The following UNC5C variants were observed in gnomAD, a reference collection of about 807,000 sequenced individuals.
UNC5C encodes netrin receptor UNC5C.
A neutral mutation model predicts 99.8 loss-of-function variants in UNC5C; 47 were observed. The observed-to-expected ratio is 0.47, with a 90% CI of 0.37 to 0.60. The LOEUF is 0.60. UNC5C is among the 20% of genes least tolerant of loss of function. The pLI is 0.00. For missense variants in UNC5C, 1,062 were observed against 1,165.9 expected (o/e 0.91, Z 1.30); for synonymous variants, 487 against 452.2 (o/e 1.08, Z -0.98).
rs180684992 is a variant in UNC5C at position 95,296,825 on chromosome 4, T to A, written c.490+4781A>T. ...TGAAACATTTGCTTTTTGTTCTTTT[T>A]AAACATGATTAAAAGTATTTTTCTT... On this transcript the variant is annotated intron_variant, in intron 3 of 15. Coordinates refer to ENST00000453304, the MANE Select transcript of UNC5C (RefSeq NM_003728.4). 3.7e-3 allele frequency among the ~76,000 whole-genome samples: 558 copies of A among 152,368 alleles called. 1 individual carries two copies. The highest frequency in any genetic ancestry group is 0.013 in the African/African-American group (532 of 41,580).
rs574532435 is a variant in UNC5C, at chr4:95,525,596, T to TAAAAAAAAAAA, written c.124+23127_124+23137dup. On this transcript the variant is annotated intron_variant, in intron 1 of 15. Transcript: ENST00000453304. ...ATAGCAGTGTGCAAAGCCTATTTCT[T>TAAAAAAAAAAA]AAAAAAAAAAAAAAAAAAAAAAGAC... 5.9e-5 allele frequency among the ~76,000 whole-genome samples: 6 copies of TAAAAAAAAAAA among 102,162 alleles called. 1 individual carries two copies. The highest frequency in any genetic ancestry group is 3.7e-4 in the South Asian group (1 of 2,708). The allele number at this position is 102,162 out of a possible 152,430, so 67.0% of individuals were successfully genotyped here.
rs1461500113 is a variant in UNC5C, at chr4:95,169,091, C to T, written c.*143G>A. On this transcript the variant is annotated 3_prime_UTR_variant, in exon 16 of 16. Transcript: ENST00000453304. The stretch of plus-strand genomic sequence containing the variant: ...TGGGCATGTACATGGGCAGTTGTAT[C>T]TGTTTTCCTTCTGGCTCCTGCTGCA... The T allele has an allele frequency of 1.1e-5, 11 of 1,001,546 alleles. No homozygotes were observed. Among genetic ancestry groups the T allele is most frequent in the Non-Finnish European group, 1.6e-5 (11 of 676,480 alleles). The allele number at this position is 1,001,546 out of a possible 1,614,324, so 62.0% of individuals were successfully genotyped here.
intron 1 of UNC5C, among the ~76,000 whole-genome samples, chr4:95,414,550 A>G (rs1218476947): frequency 1.3e-5 from 2 of 152,272 alleles, no homozygotes; most frequent in African/African-American, 4.8e-5. Context: ...GAAGGTCCTT[A>G]GACCAAGCTG....
intron 2 of UNC5C, among the ~76,000 whole-genome samples, chr4:95,307,999 G>A (rs988985569): frequency 2.0e-5 from 3 of 152,168 alleles, no homozygotes; most frequent in African/African-American, 7.2e-5. Context: ...GACAAGCCCA[G>A]ACCTGGCATT....
intron 1 of UNC5C, among the ~76,000 whole-genome samples, chr4:95,343,761 A>T (rs1283241168): frequency 1.3e-5 from 2 of 152,122 alleles, no homozygotes; most frequent in Admixed American, 1.3e-4. Flanking sequence ...AAGCAAGCAG[A>T]AATTCTGGAG....
intron 2 of UNC5C, among the ~76,000 whole-genome samples, chr4:95,332,121 A>G (rs1743136709): frequency 6.6e-6 from 1 of 152,202 alleles, no homozygotes; most frequent in African/African-American, 2.4e-5. Context: ...GGAAGAATCA[A>G]TATCATGAAA....
At chr4:95,220,328 T>A in intron 7 of UNC5C, 152 bp from the exon 8 acceptor site, 1 of 773,908 alleles carries the variant, frequency 1.3e-6, no homozygotes, top group Non-Finnish European at 2.0e-6. Context: ...GCTGTGGCCT[T>A]TCAGTGGAAA....
intron 14 of UNC5C, among the ~76,000 whole-genome samples, chr4:95,173,022 C>T (rs1165876320): frequency 2.6e-5 from 4 of 152,000 alleles, no homozygotes; most frequent in Non-Finnish European, 5.9e-5. Flanking sequence ...GGAGTTCACT[C>T]ATGATTTGGC....
intron 1 of UNC5C, among the ~76,000 whole-genome samples, chr4:95,536,082 A>ATATATATATATT (rs1180330785): frequency 2.5e-5 from 2 of 78,444 alleles, no homozygotes; most frequent in South Asian, 3.5e-4. Context: ...ATATATATAT[A>ATATATATATATT]TTTTTTTTTT....
At chr4:95,446,115 T>C (rs560357882) in intron 1 of UNC5C, among the ~76,000 whole-genome samples, 1 of 151,964 alleles carries the variant, frequency 6.6e-6, no homozygotes, top group African/African-American at 2.4e-5. Context: ...CATTCAGAAC[T>C]CATCTGTTCT....
At chr4:95,354,983 C>T (rs944141961) in intron 1 of UNC5C, among the ~76,000 whole-genome samples, 19 of 152,042 alleles carry the variant, frequency 1.2e-4, no homozygotes, top group Non-Finnish European at 2.6e-4. Context: ...TTATTATGCT[C>T]AGGGAGTTGA....
At chr4:95,310,857 C>A (rs555637603) in intron 2 of UNC5C, among the ~76,000 whole-genome samples, 2 of 152,038 alleles carry the variant, frequency 1.3e-5, no homozygotes, top group African/African-American at 4.8e-5. Flanking sequence ...TATAGATCAA[C>A]GCACGGTTTT....
intron 1 of UNC5C, among the ~76,000 whole-genome samples, chr4:95,396,187 A>G (rs1023101217): frequency 1.3e-5 from 2 of 152,166 alleles, no homozygotes; most frequent in African/African-American, 2.4e-5. Flanking sequence ...GCTGTGTAGA[A>G]AACATGTGCT....
At chr4:95,324,657 G>C (rs956877493) in intron 2 of UNC5C, among the ~76,000 whole-genome samples, 3 of 152,144 alleles carry the variant, frequency 2.0e-5, no homozygotes, top group African/African-American at 7.2e-5. Flanking sequence ...GATGGTATTA[G>C]GAGGTGGGGC....
chr4:95,246,873 C>T (rs1395741865), intron 5 of UNC5C, among the ~76,000 whole-genome samples: 1 of 151,806 alleles, frequency 6.6e-6, no homozygotes, highest in Admixed American at 6.6e-5. Flanking sequence ...TAGCCTTCAT[C>T]TCTACAGAAA....
chr4:95,309,361 C>A (rs921165358), intron 2 of UNC5C, among the ~76,000 whole-genome samples: 5 of 151,986 alleles, frequency 3.3e-5, no homozygotes, highest in African/African-American at 1.2e-4. Flanking sequence ...AGCTCCTTGA[C>A]ATTAGTTTGG....
Position 95,350,010 on chromosome 4 carries a change from A to T in UNC5C, c.125-14379T>A, listed in dbSNP as rs556656304. Among the ~76,000 whole-genome samples the T allele has an allele frequency of 2.0e-5, 3 of 152,290 alleles. No individual in the cohort carries two copies. The South Asian group carries it at 6.2e-4, about 32-fold the overall frequency. On this transcript the variant is annotated intron_variant, in intron 1 of 15. Transcript: ENST00000453304. ...TACTTATAAAAAGAAATCATGAAATAGAAGATAGTAAATTTAAGATAATCT... is the reference window on the plus strand; with the variant it reads ...TACTTATAAAAAGAAATCATGAAATTGAAGATAGTAAATTTAAGATAATCT...
intron 1 of UNC5C, among the ~76,000 whole-genome samples, chr4:95,467,417 G>A (rs1009395025): frequency 6.6e-6 from 1 of 152,142 alleles, no homozygotes; most frequent in Admixed American, 6.5e-5. Flanking sequence ...TAAAAACAGA[G>A]AGAGAGAATG....
At chr4:95,238,148 T>C (rs1309478922) in intron 7 of UNC5C, among the ~76,000 whole-genome samples, 3 of 152,220 alleles carry the variant, frequency 2.0e-5, no homozygotes, top group Non-Finnish European at 4.4e-5. Flanking sequence ...ATGTGACTCA[T>C]AAACAGAATA....
Sources: allele counts gnomAD v4.1 joint callset (sites outside exome capture counted in the v4.1 genomes callset), GRCh38; gene constraint gnomAD v4.1.1; transcripts MANE v1.5; gene names NCBI Gene and HGNC (gene_info 2026-07-23, HGNC 2026-07-21).